The following NCOA1 variants were observed in gnomAD, a reference collection of about 807,000 sequenced individuals.
NCOA1 encodes the protein Hin-2 protein.
Under a neutral mutation model 150.9 loss-of-function variants are expected in NCOA1, and 35 were observed. The observed-to-expected ratio is 0.23, with a 90% CI of 0.18 to 0.31. The LOEUF (loss-of-function observed/expected upper bound fraction) is 0.31, where lower values mean the gene tolerates loss of function less well. NCOA1 is among the 10% of genes least tolerant of loss of function. NCOA1 has a pLI of 1.00. For synonymous variants in NCOA1, 590 were observed against 630.0 expected (o/e 0.94, Z 0.95); for missense variants, 1,491 against 1,749.3 (o/e 0.85, Z 2.63).
At chr2:24,762,800 A>G (rs1435996774) in intron 22 of NCOA1, 24 bp downstream of exon 22, 1 of 1,592,950 alleles carries the variant, frequency 6.3e-7, no homozygotes, top group South Asian at 1.1e-5. Context: ...TTCTAAGCCC[A>G]GAGCTGTCAA....
intron 8 of NCOA1, among the ~76,000 whole-genome samples, chr2:24,690,678 A>AAAAAAAAAAAAAAAAAAAAG (rs1672626170): frequency 6.8e-6 from 1 of 146,964 alleles, no homozygotes; most frequent in Non-Finnish European, 1.5e-5. Context: ...AAAAAAAAAA[A>AAAAAAAAAAAAAAAAAAAAG]GGCAGTGTTA....
chr2:24,641,725 CCA>C (rs1572530515), intron 3 of NCOA1, among the ~76,000 whole-genome samples: 2 of 152,176 alleles, frequency 1.3e-5, no homozygotes, highest in East Asian at 3.9e-4. Context: ...AAACCAGTTA[CCA>C]TTTATATCTT....
chr2:24,721,033 T>A lies in NCOA1; in HGVS notation c.2600-5556T>A, dbSNP rs1674335737. Among the ~76,000 whole-genome samples, 6 of 152,340 alleles carry A rather than the reference T, an allele frequency of 3.9e-5. 1 individual carries two copies. In the South Asian group the frequency reaches 1.2e-3, roughly 32 times the overall value. The stretch of plus-strand genomic sequence containing the variant: ...TAATGGCTCTATCCCCCATGACACT[T>A]ATCTTTTTCTCTTATACTTTTCTTT... On this transcript the variant is annotated intron_variant, in intron 14 of 22. Coordinates refer to ENST00000348332, the MANE Select transcript of NCOA1 (RefSeq NM_003743.5).
At chr2:24,511,533 G>T (rs1217013539) in intron 1 of NCOA1, among the ~76,000 whole-genome samples, 1 of 152,162 alleles carries the variant, frequency 6.6e-6, no homozygotes, top group East Asian at 1.9e-4. Context: ...TTTCCTTGAA[G>T]AAATGTCTCT....
intron 1 of NCOA1, among the ~76,000 whole-genome samples, chr2:24,495,956 C>T (rs1046270391): frequency 4.6e-5 from 7 of 152,138 alleles, no homozygotes; most frequent in African/African-American, 9.7e-5. Context: ...ACCAAATTCT[C>T]GCATTCTTTT....
Position 24,707,607 on chromosome 2 carries a change from G to T in NCOA1, c.2137G>T (p.Asp713Tyr). ...TTTGTCTGTCGAGCCTGATAAAAAGGACAGTGCATCTACTTCTGTGTCAGT... is the reference window on the plus strand; with the variant it reads ...TTTGTCTGTCGAGCCTGATAAAAAGTACAGTGCATCTACTTCTGTGTCAGT... ...TTLSVEPDKKDSASTSVSVTG... is the reference protein window; with the variant it reads ...TTLSVEPDKKYSASTSVSVTG... The change falls in exon 13 of 23, where the codon GAC (aspartate) becomes TAC (tyrosine). Residue 713 changes from aspartate (D) to tyrosine (Y), a missense_variant. By Grantham distance (160) the Asp-to-Tyr change is radical. Transcript: ENST00000348332. The T allele has an allele frequency of 6.2e-7, 1 of 1,614,174 alleles. No homozygotes were observed. Among genetic ancestry groups the T allele is most frequent in the Non-Finnish European group, 8.5e-7 (1 of 1,180,020 alleles).
rs547200719 is a variant in NCOA1 at position 24,677,353 on chromosome 2, A to C, written c.354+3890A>C. ...AGCAAGACCCTGTCTCAAAAACAAA[A>C]AAACAAACAAACAAAAAAAACAAAC... is the stretch of plus-strand genomic sequence containing the variant. On this transcript the variant is annotated intron_variant, in intron 7 of 22. Transcript: ENST00000348332. Among the ~76,000 whole-genome samples, 6 of 152,212 alleles carry C rather than the reference A, an allele frequency of 3.9e-5. No individual in the cohort carries two copies. In the East Asian group the frequency reaches 5.8e-4, roughly 15 times the overall value.
chr2:24,747,154 G>C (rs1224537775), intron 19 of NCOA1, among the ~76,000 whole-genome samples: 1 of 151,928 alleles, frequency 6.6e-6, no homozygotes, highest in Non-Finnish European at 1.5e-5. Flanking sequence ...AAGGGAAACT[G>C]TTCATTCCAA....
chr2:24,624,670 C>T (rs1054735445), intron 3 of NCOA1, among the ~76,000 whole-genome samples: 1 of 152,152 alleles, frequency 6.6e-6, no homozygotes, highest in Non-Finnish European at 1.5e-5. Context: ...GATACAATTC[C>T]TTTCTTAGGG....
chr2:24,538,137 A>G (rs1244357282), intron 1 of NCOA1, among the ~76,000 whole-genome samples: 1 of 152,192 alleles, frequency 6.6e-6, no homozygotes, highest in African/African-American at 2.4e-5. Context: ...TTAAAATAGC[A>G]AGTGTTATAT....
chr2:24,523,205 G>A (rs988221249), intron 1 of NCOA1, among the ~76,000 whole-genome samples: 2 of 152,036 alleles, frequency 1.3e-5, no homozygotes, highest in African/African-American at 2.4e-5. Context: ...TTACTGCCCC[G>A]ATCAGCTTTT....
chr2:24,658,283 G>A (rs56297514), intron 4 of NCOA1, among the ~76,000 whole-genome samples: 8,460 of 152,056 alleles, frequency 0.056, 318 homozygotes, highest in Non-Finnish European at 0.079. Context: ...AATAATAAAT[G>A]CAAAGAATAA....
At chr2:24,495,593 G>A (rs547609612) in intron 1 of NCOA1, among the ~76,000 whole-genome samples, 84 of 152,220 alleles carry the variant, frequency 5.5e-4, no homozygotes, top group Non-Finnish European at 5.9e-4. Flanking sequence ...GTGCAAGCAC[G>A]GAAGCAAAAC....
chr2:24,700,857 A>G (rs1306644116), intron 11 of NCOA1, among the ~76,000 whole-genome samples: 2 of 152,220 alleles, frequency 1.3e-5, no homozygotes, highest in Non-Finnish European at 2.9e-5. Context: ...ATGTTTACTT[A>G]CAGAGAAGTT....
intron 3 of NCOA1, among the ~76,000 whole-genome samples, chr2:24,634,707 A>ACCC (rs1669856898): frequency 5.8e-5 from 2 of 34,450 alleles, no homozygotes; most frequent in Non-Finnish European, 1.2e-4. Context: ...CTAGGGGAGG[A>ACCC]ACCCCCCCCC....
intron 11 of NCOA1, among the ~76,000 whole-genome samples, chr2:24,700,143 C>CTAA (rs60674114): frequency 0.3 from 42,794 of 142,874 alleles, 6,808 homozygotes; most frequent in Non-Finnish European, 0.36. Flanking sequence ...AACTTCATCG[C>CTAA]TAATAATAAT....
intron 17 of NCOA1, among the ~76,000 whole-genome samples, chr2:24,737,959 C>A (rs1052492798): frequency 1.3e-5 from 2 of 152,084 alleles, no homozygotes; most frequent in Non-Finnish European, 2.9e-5. Context: ...AGAAGTATAT[C>A]AGTTTTGGTA....
chr2:24,637,885 G>A (rs1320948719), intron 3 of NCOA1, among the ~76,000 whole-genome samples: 2 of 151,822 alleles, frequency 1.3e-5, no homozygotes, highest in Admixed American at 6.6e-5. Context: ...TAGTAAAGAC[G>A]GGGTTTCTCC....
intron 1 of NCOA1, among the ~76,000 whole-genome samples, chr2:24,559,601 CTCT>C (rs994707058): frequency 2.2e-4 from 33 of 152,290 alleles, no homozygotes; most frequent in Admixed American, 2.0e-3. Context: ...ATCAACTGGG[CTCT>C]CTCAGCCTCA....
Sources: allele counts gnomAD v4.1 joint callset (sites outside exome capture counted in the v4.1 genomes callset), GRCh38; gene constraint gnomAD v4.1.1; transcripts MANE v1.5; gene names NCBI Gene and HGNC (gene_info 2026-07-23, HGNC 2026-07-21).